Variants in RGS6 observed in about 807,000 individuals in gnomAD.
RGS6 encodes regulator of G-protein signaling 6.
In RGS6, 30 loss-of-function variants were observed where a neutral mutation model predicts 78.5. That is an observed-to-expected ratio of 0.38 (90% CI 0.29 to 0.52). The LOEUF (loss-of-function observed/expected upper bound fraction) is 0.52, where lower values mean the gene tolerates loss of function less well. Ranked by LOEUF, RGS6 falls within the 20% of genes least tolerant of loss-of-function variation. The probability of loss-of-function intolerance (pLI) is 0.85; values close to 1 mark genes in which losing one functional copy is unlikely to be tolerated. For missense variants in RGS6, 495 were observed against 609.7 expected (o/e 0.81, Z 1.98); for synonymous variants, 206 against 206.0 (o/e 1.00, Z 0.00).
At chr14:72,179,499 C>A (rs543879928) in intron 2 of RGS6, among the ~76,000 whole-genome samples, 1 of 152,184 alleles carries the variant, frequency 6.6e-6, no homozygotes, top group African/African-American at 2.4e-5. Flanking sequence ...GTAACATAGC[C>A]GCATGGCAGG....
chr14:72,208,226 G>T (rs377141506), intron 2 of RGS6, among the ~76,000 whole-genome samples: 131 of 152,292 alleles, frequency 8.6e-4, no homozygotes, highest in African/African-American at 3.1e-3. Flanking sequence ...CATAATGCAT[G>T]CTAGGCTTAC....
At chr14:72,626,974 G>T in the RGS6 span, among the ~76,000 whole-genome samples, 1 of 151,312 alleles carries the variant, frequency 6.6e-6, no homozygotes, top group Non-Finnish European at 1.5e-5. Flanking sequence ...TCTTTTGTGG[G>T]TTGTCTTTCA....
intron 2 of RGS6, among the ~76,000 whole-genome samples, chr14:72,324,567 C>A (rs1338908023): frequency 6.6e-6 from 1 of 150,600 alleles, no homozygotes; most frequent in East Asian, 2.0e-4. Context: ...CAAGTGTACT[C>A]ATTGTTCAAT....
chr14:72,094,042 C>A (rs1406109256), intron 2 of RGS6, among the ~76,000 whole-genome samples: 1 of 151,808 alleles, frequency 6.6e-6, no homozygotes, highest in Non-Finnish European at 1.5e-5. Flanking sequence ...GTATTGTGTG[C>A]CATGAAAAAA....
At chr14:72,597,660 C>T in the RGS6 span, among the ~76,000 whole-genome samples, 4 of 152,272 alleles carry the variant, frequency 2.6e-5, no homozygotes, top group Middle Eastern at 6.8e-3. Flanking sequence ...TTGATACCTA[C>T]GATGTACAGT....
chr14:72,298,530 C>G (rs1337865201), intron 2 of RGS6, among the ~76,000 whole-genome samples: 1 of 150,536 alleles, frequency 6.6e-6, no homozygotes, highest in South Asian at 2.1e-4. Flanking sequence ...TCACTGCAAG[C>G]TCCGCCTCCC....
At chr14:72,526,065 A>G (rs982089413) in intron 15 of RGS6, among the ~76,000 whole-genome samples, 27 of 151,654 alleles carry the variant, frequency 1.8e-4, no homozygotes, top group Admixed American at 3.9e-4. Context: ...CTTATACCAA[A>G]CCCCATGACC....
intron 1 of RGS6, among the ~76,000 whole-genome samples, chr14:71,963,610 C>T (rs369839515): frequency 7.9e-5 from 12 of 152,306 alleles, no homozygotes; most frequent in African/African-American, 2.9e-4. Flanking sequence ...CAATATGTGA[C>T]GTTTTGTGTC....
chr14:72,043,574 T>A (rs2092604929), intron 2 of RGS6, among the ~76,000 whole-genome samples: 1 of 152,198 alleles, frequency 6.6e-6, no homozygotes, highest in Non-Finnish European at 1.5e-5. Context: ...ATTCTCTTCT[T>A]GCATGGTTTC....
intron 4 of RGS6, among the ~76,000 whole-genome samples, chr14:72,458,052 C>T (rs1023598481): frequency 2.0e-4 from 31 of 152,132 alleles, no homozygotes; most frequent in Middle Eastern, 3.2e-3. Flanking sequence ...TAAGCCATGT[C>T]AGACTCTCAG....
intron 2 of RGS6, among the ~76,000 whole-genome samples, chr14:72,071,353 T>A (rs1159716899): frequency 6.6e-6 from 1 of 152,240 alleles, no homozygotes; most frequent in Non-Finnish European, 1.5e-5. Flanking sequence ...GTTTTGCTGC[T>A]AAGAACACTC....
chr14:72,212,395 G>A (rs192676288), intron 2 of RGS6, among the ~76,000 whole-genome samples: 411 of 152,326 alleles, frequency 2.7e-3, no homozygotes, highest in Non-Finnish European at 4.8e-3. Flanking sequence ...TGTCAACAGA[G>A]AGGAGAGTAA....
At chr14:72,335,121 C>T (rs547341554) in intron 2 of RGS6, among the ~76,000 whole-genome samples, 24 of 152,294 alleles carry the variant, frequency 1.6e-4, no homozygotes, top group African/African-American at 5.1e-4. Flanking sequence ...CTTTGCTCCT[C>T]GTTCGCCTTC....
At chr14:72,081,776 A>T (rs1266973022) in intron 2 of RGS6, among the ~76,000 whole-genome samples, 1 of 152,104 alleles carries the variant, frequency 6.6e-6, no homozygotes, top group Non-Finnish European at 1.5e-5. Context: ...AAAAACTTCA[A>T]ACTGAAAACC....
chr14:72,260,446 A>C lies in RGS6; in HGVS notation c.85-91649A>C, dbSNP rs979143007. Among the ~76,000 whole-genome samples, 4 of 152,248 alleles carry C rather than the reference A, an allele frequency of 2.6e-5. No homozygotes were observed. The South Asian group carries it at 8.3e-4, about 32-fold the overall frequency. On this transcript the variant is annotated intron_variant, in intron 2 of 17. Coordinates refer to ENST00000553525, the MANE Select transcript of RGS6 (RefSeq NM_001204424.2). ...TATAGAGTGTTTAATAAAAGATGTCAAAGTTGTGTTGTGGCCACCAGCCAC... is the reference window on the plus strand; with the variant it reads ...TATAGAGTGTTTAATAAAAGATGTCCAAGTTGTGTTGTGGCCACCAGCCAC...
intron 1 of RGS6, among the ~76,000 whole-genome samples, chr14:71,958,069 C>T (rs1047961691): frequency 1.3e-5 from 2 of 151,960 alleles, no homozygotes; most frequent in Admixed American, 1.3e-4. Flanking sequence ...TTTAGCCTGT[C>T]AGGCAGCTGT....
At chr14:72,519,614 T>C (rs2097003480) in intron 15 of RGS6, among the ~76,000 whole-genome samples, 1 of 152,230 alleles carries the variant, frequency 6.6e-6, no homozygotes, top group Non-Finnish European at 1.5e-5. Context: ...TCTCTCCCCC[T>C]GGTCACGAGC....
intron 12 of RGS6, among the ~76,000 whole-genome samples, chr14:72,487,622 G>A (rs902814424): frequency 1.3e-5 from 2 of 152,196 alleles, no homozygotes; most frequent in Non-Finnish European, 2.9e-5. Context: ...AGCTGGCTTT[G>A]CAGATGGAAG....
At chr14:71,929,319 T>C (rs904345131), upstream of RGS6, among the ~76,000 whole-genome samples, 2 of 152,240 alleles carry the variant, frequency 1.3e-5, no homozygotes, top group Non-Finnish European at 2.9e-5. Flanking sequence ...ATCTTTACTA[T>C]CATAGTCTTG....
Sources: gnomAD v4.1 joint callset for allele counts (sites outside exome capture counted in the v4.1 genomes callset) on GRCh38, gnomAD v4.1.1 for gene constraint, MANE v1.5 for transcripts, NCBI Gene and HGNC (gene_info 2026-07-23, HGNC 2026-07-21) for gene names.